Variants in GPHN observed in about 807,000 individuals in gnomAD.
GPHN encodes the protein gephyrin.
A neutral mutation model predicts 95.5 loss-of-function variants in GPHN; 17 were observed. The ratio of observed to expected loss-of-function variants is 0.18; its 90% CI spans 0.12 to 0.27. GPHN has a LOEUF of 0.27. GPHN is among the 10% of genes least tolerant of loss of function. The pLI is 1.00. For synonymous variants in GPHN, 320 were observed against 322.5 expected (o/e 0.99, Z 0.08); for missense variants, 660 against 978.1 (o/e 0.67, Z 4.34).
intron 10 of GPHN, among the ~76,000 whole-genome samples, chr14:67,048,434 T>C (rs2075141499): frequency 6.6e-6 from 1 of 152,230 alleles, no homozygotes. Flanking sequence ...GTAGGCTCAT[T>C]AGAGAAACCT....
the GPHN span, chr14:67,725,076 C>A: frequency 3.1e-6 from 5 of 1,613,594 alleles, no homozygotes; most frequent in South Asian, 2.2e-5. Flanking sequence ...GAACATACTG[C>A]TCTTTTTTTG....
At chr14:66,838,272 C>A (rs1005495769) in intron 4 of GPHN, among the ~76,000 whole-genome samples, 1 of 151,926 alleles carries the variant, frequency 6.6e-6, no homozygotes, top group Non-Finnish European at 1.5e-5. Context: ...TATTTCCTTG[C>A]TATATAAATC....
chr14:67,526,054 C>T, the GPHN span, among the ~76,000 whole-genome samples: 1 of 152,210 alleles, frequency 6.6e-6, no homozygotes, highest in African/African-American at 2.4e-5. Flanking sequence ...TGAGACCTGT[C>T]TGTCAGCTCT....
chr14:67,577,164 T>A, the GPHN span: 1 of 654,010 alleles, frequency 1.5e-6, no homozygotes, highest in South Asian at 1.8e-5. Flanking sequence ...ACTCTATGGA[T>A]GATAAACCCA....
At chr14:67,388,278 A>T in the GPHN span, 1 of 1,612,984 alleles carries the variant, frequency 6.2e-7, no homozygotes, top group Non-Finnish European at 8.5e-7. Context: ...CGAAGAGAAA[A>T]CCCACCCACT....
chr14:67,119,600 A>AC (rs1184448484), intron 16 of GPHN, among the ~76,000 whole-genome samples: 1 of 151,642 alleles, frequency 6.6e-6, no homozygotes, highest in East Asian at 2.0e-4. Context: ...GACCAGCCTG[A>AC]CCAACAGTAG....
chr14:67,578,641 C>T, the GPHN span: 1 of 1,562,666 alleles, frequency 6.4e-7, no homozygotes, highest in Non-Finnish European at 8.7e-7. The surrounding 1 kb of genome is among the most constrained non-coding windows in gnomAD (Gnocchi z 5.0). Flanking sequence ...GGTGAGTGAA[C>T]CTGGCCGTTT....
At chr14:66,697,730 C>A (rs1170339111) in intron 2 of GPHN, among the ~76,000 whole-genome samples, 1 of 145,072 alleles carries the variant, frequency 6.9e-6, no homozygotes, top group Admixed American at 7.2e-5. Flanking sequence ...CTCTTTCACT[C>A]AGGCTGGAGT....
At chr14:67,367,448 C>G in the GPHN span, among the ~76,000 whole-genome samples, 1 of 152,204 alleles carries the variant, frequency 6.6e-6, no homozygotes, top group Non-Finnish European at 1.5e-5. Flanking sequence ...CCAGAATGGT[C>G]TTGATCTCCT....
intron 1 of GPHN, among the ~76,000 whole-genome samples, chr14:66,566,376 T>C (rs1471520817): frequency 6.6e-6 from 1 of 152,120 alleles, no homozygotes; most frequent in Non-Finnish European, 1.5e-5. Flanking sequence ...GGCTCTGAGA[T>C]TTTTTGTTTT....
At chr14:67,672,838 T>C in the GPHN span, among the ~76,000 whole-genome samples, 6 of 152,168 alleles carry the variant, frequency 3.9e-5, no homozygotes, top group African/African-American at 1.4e-4. Flanking sequence ...AAGGCACAAG[T>C]CTTTCACCAT....
chr14:67,330,507 G>A, the GPHN span, among the ~76,000 whole-genome samples: 1 of 143,014 alleles, frequency 7.0e-6, no homozygotes, highest in Non-Finnish European at 1.5e-5. Context: ...TGCCCAGGCT[G>A]GAGTGCAGTG....
intron 17 of GPHN, among the ~76,000 whole-genome samples, chr14:67,141,498 CA>C (rs1435687043): frequency 2.6e-5 from 4 of 152,296 alleles, no homozygotes; most frequent in East Asian, 1.9e-4. Context: ...TAGTTTGTTC[CA>C]GGTACTATTC....
At chr14:66,566,496 C>T (rs538108517) in intron 1 of GPHN, among the ~76,000 whole-genome samples, 76 of 151,002 alleles carry the variant, frequency 5.0e-4, no homozygotes, top group Non-Finnish European at 8.7e-4. Flanking sequence ...TTGGTAAATA[C>T]TTTCTTATTG....
At chr14:67,256,949 G>C in the GPHN span, among the ~76,000 whole-genome samples, 1 of 152,146 alleles carries the variant, frequency 6.6e-6, no homozygotes, top group East Asian at 1.9e-4. Flanking sequence ...CCAAGGCTAA[G>C]GACGCGGCTG....
the GPHN span, chr14:67,651,116 A>G: frequency 1.1e-6 from 1 of 913,568 alleles, no homozygotes; most frequent in Non-Finnish European, 1.6e-6. Context: ...TTTGCAGTTC[A>G]CAGGGTATTA....
chr14:67,302,584 A>G, the GPHN span: 4 of 1,453,880 alleles, frequency 2.8e-6, no homozygotes, highest in South Asian at 4.9e-5. Context: ...AAGTTGACGC[A>G]GCTAGAAGAA....
intron 2 of GPHN, among the ~76,000 whole-genome samples, chr14:66,707,204 C>T (rs1453540544): frequency 3.3e-5 from 5 of 152,134 alleles, no homozygotes; most frequent in African/African-American, 7.2e-5. Context: ...AATGGTTTTA[C>T]ACTGTTGGTG....
At chr14:67,430,473 C>A in the GPHN span, among the ~76,000 whole-genome samples, 1 of 152,188 alleles carries the variant, frequency 6.6e-6, no homozygotes. Context: ...GCAGAAAGAG[C>A]CTTCCCACGT....
Sources: allele counts gnomAD v4.1 joint callset (sites outside exome capture counted in the v4.1 genomes callset), GRCh38; gene constraint gnomAD v4.1.1; non-coding constraint Gnocchi (gnomAD v3.1); transcripts MANE v1.5; gene names NCBI Gene and HGNC (gene_info 2026-07-23, HGNC 2026-07-21).